CPPED1: variants seen among roughly 807,000 people sequenced by gnomAD.
CPPED1 encodes calcineurin like phosphoesterase domain containing 1.
A neutral mutation model predicts 28.0 loss-of-function variants in CPPED1; 28 were observed. The ratio of observed to expected loss-of-function variants is 1.00; its 90% CI spans 0.74 to 1.37. The LOEUF is 1.37. CPPED1 is among the 40% of genes most tolerant of loss of function. The pLI is 0.00. For missense variants in CPPED1, 504 were observed against 416.5 expected, an observed-to-expected ratio of 1.21 and a Z score of -1.83; for synonymous variants, 198 against 180.2, an observed-to-expected ratio of 1.10 and a Z score of -0.79.
At chr16:12,701,479 G>C (rs1215743727) in intron 3 of CPPED1, among the ~76,000 whole-genome samples, 1 of 152,188 alleles carries the variant, frequency 6.6e-6, no homozygotes, top group Non-Finnish European at 1.5e-5. Flanking sequence ...GGAGGTGGTA[G>C]TGACCCGAGA....
Position 12,785,508 on chromosome 16 carries a change from A to G in CPPED1, c.71-4105T>C, listed in dbSNP as rs532711150. Among the ~76,000 whole-genome samples, 11 of 150,842 alleles carry G rather than the reference A, an allele frequency of 7.3e-5. No individual in the cohort carries two copies. The South Asian group carries it at 2.3e-3, about 32-fold the overall frequency. ...AATGCTGCAATCTCTGCTTACTGCA[A>G]TCTCTGCCTCCCAAGCTCAAGTGAT... On this transcript the variant is annotated intron_variant, in intron 1 of 3. Transcript: ENST00000381774.
In CPPED1 at chr16:12,663,609, C is replaced by G. The variant is rs756968992; in HGVS notation, c.*1277G>C. The G allele has an allele frequency of 1.3e-4, 20 of 152,130 alleles. No homozygotes were observed. The highest frequency in any genetic ancestry group is 2.9e-4 in the Non-Finnish European group (20 of 68,012). The allele number at this position is 152,130 out of a possible 1,614,324, so 9.4% of individuals were successfully genotyped here. ...TGAATTTACATATTTAATTATCTTT[C>G]CATTTAATTTCCCATGGTTTTGCTA... On this transcript the variant is annotated 3_prime_UTR_variant, in exon 4 of 4. Coordinates refer to ENST00000381774, the MANE Select transcript of CPPED1 (RefSeq NM_018340.3).
intron 3 of CPPED1, among the ~76,000 whole-genome samples, chr16:12,681,367 C>A (rs186128673): frequency 1.3e-5 from 2 of 152,036 alleles, no homozygotes; most frequent in African/African-American, 4.8e-5. Flanking sequence ...CCAGGGATGC[C>A]CCAACAAGAA....
intron 3 of CPPED1, among the ~76,000 whole-genome samples, chr16:12,674,436 G>T (rs564909856): frequency 1.3e-5 from 2 of 152,282 alleles, no homozygotes; most frequent in African/African-American, 4.8e-5. Flanking sequence ...TGAGTTTCCA[G>T]ACGTGGGGGT....
chr16:12,698,918 A>G (rs2080006140), intron 3 of CPPED1, among the ~76,000 whole-genome samples: 1 of 152,190 alleles, frequency 6.6e-6, no homozygotes, highest in Non-Finnish European at 1.5e-5. Flanking sequence ...TCTCTAACAC[A>G]CAGTTCTAAT....
intron 3 of CPPED1, among the ~76,000 whole-genome samples, chr16:12,680,573 G>A (rs551723586): frequency 3.3e-4 from 50 of 152,236 alleles, no homozygotes; most frequent in African/African-American, 1.2e-3. Context: ...AGATTCAGGG[G>A]GCAGAGACAG....
At chr16:12,691,833 GGGAT>G (rs1567277176) in intron 3 of CPPED1, among the ~76,000 whole-genome samples, 2 of 77,306 alleles carry the variant, frequency 2.6e-5, no homozygotes, top group African/African-American at 1.3e-4. Flanking sequence ...GAGGGGGGGA[GGGAT>G]AGCATTAGGA....
rs986996586 is a variant in CPPED1 at position 12,803,853 on chromosome 16, G to C, written c.-77C>G. The C allele has an allele frequency of 9.4e-6, 13 of 1,380,798 alleles. No individual in the cohort carries two copies. The highest frequency in any genetic ancestry group is 4.7e-5 in the Admixed American group (2 of 42,974). The allele number at this position is 1,380,798 out of a possible 1,614,324, so 85.5% of individuals were successfully genotyped here. On this transcript the variant is annotated 5_prime_UTR_variant, in exon 1 of 4. Transcript: ENST00000381774. ...GCGACTTCACACAGAACAACCGCTGGACCTGTCCCGCTTTGGGCGACGCCC... is the reference window on the plus strand; with the variant it reads ...GCGACTTCACACAGAACAACCGCTGCACCTGTCCCGCTTTGGGCGACGCCC...
At chr16:12,704,035 G>A (rs995405461) in intron 3 of CPPED1, among the ~76,000 whole-genome samples, 1 of 152,216 alleles carries the variant, frequency 6.6e-6, no homozygotes, top group African/African-American at 2.4e-5. Context: ...TACCTTGGCA[G>A]AGGAAAACTG....
At chr16:12,745,260 G>A (rs778534643) in intron 2 of CPPED1, among the ~76,000 whole-genome samples, 14 of 152,148 alleles carry the variant, frequency 9.2e-5, no homozygotes, top group Admixed American at 5.2e-4. Flanking sequence ...CACAGACTAA[G>A]AACCTCAATG....
At chr16:12,768,487 T>C (rs2071325276) in intron 2 of CPPED1, among the ~76,000 whole-genome samples, 1 of 152,234 alleles carries the variant, frequency 6.6e-6, no homozygotes, top group African/African-American at 2.4e-5. Flanking sequence ...TTCTGGCCTT[T>C]AATTAAAGGT....
intron 2 of CPPED1, among the ~76,000 whole-genome samples, chr16:12,758,994 C>T (rs1004595133): frequency 6.6e-6 from 1 of 151,512 alleles, no homozygotes; most frequent in African/African-American, 2.4e-5. Flanking sequence ...AAGACCCCAT[C>T]CCTACAAAAA....
rs1302718145 is a variant in CPPED1 at position 12,682,438 on chromosome 16, C to A, written c.716-17323G>T. On this transcript the variant is annotated intron_variant, in intron 3 of 3. Transcript: ENST00000381774. The surrounding 1 kb of genome is among the most constrained non-coding windows in gnomAD (Gnocchi z 6.1). ...ACCTGTAGAATATGCAAGAGGAGGG[C>A]TGTATTTTTTTAATACTAATATTTG... Among the ~76,000 whole-genome samples the A allele has an allele frequency of 6.6e-6, 1 of 152,174 alleles. No homozygotes were observed. Among genetic ancestry groups the A allele is most frequent in the Non-Finnish European group, 1.5e-5 (1 of 68,034 alleles).
intron 3 of CPPED1, among the ~76,000 whole-genome samples, chr16:12,666,421 A>G (rs1284463698): frequency 6.6e-6 from 1 of 152,216 alleles, no homozygotes; most frequent in East Asian, 1.9e-4. Flanking sequence ...TGCTGGAAGA[A>G]GGGCTGTTGT....
At chr16:12,683,050 G>A (rs1475234088) in intron 3 of CPPED1, among the ~76,000 whole-genome samples, 1 of 152,210 alleles carries the variant, frequency 6.6e-6, no homozygotes, top group Non-Finnish European at 1.5e-5. Flanking sequence ...AGCCACGGAA[G>A]GAAAATGTTT....
intron 3 of CPPED1, among the ~76,000 whole-genome samples, chr16:12,700,974 T>A (rs909975099): frequency 1.3e-5 from 2 of 152,100 alleles, no homozygotes; most frequent in Non-Finnish European, 2.9e-5. Context: ...ATGCCTGTAA[T>A]CCTAGCACTT....
At chr16:12,727,882 T>C (rs2080177858) in intron 2 of CPPED1, among the ~76,000 whole-genome samples, 1 of 152,212 alleles carries the variant, frequency 6.6e-6, no homozygotes, top group Non-Finnish European at 1.5e-5. Flanking sequence ...CATCTTCACC[T>C]TACAAATGTA....
chr16:12,660,497 A>ATG lies in CPPED1; in HGVS notation c.*4387_*4388dup, dbSNP rs61163755. ...GAAAAGAATCCTCCACTTTTACTAT[A>ATG]TGTGTGTGTGTGTGTGTGTGTGTGT... On this transcript the variant is annotated 3_prime_UTR_variant, in exon 4 of 4. Transcript: ENST00000381774. 0.21 allele frequency: 31,240 copies of ATG among 145,368 alleles called. 3,412 individuals are homozygous for ATG. The highest frequency in any genetic ancestry group is 0.31 in the Middle Eastern group (87 of 284). The allele number at this position is 145,368 out of a possible 1,614,324, so 9.0% of individuals were successfully genotyped here.
chr16:12,696,430 G>A (rs754004846), intron 3 of CPPED1, among the ~76,000 whole-genome samples: 2 of 148,978 alleles, frequency 1.3e-5, no homozygotes, highest in African/African-American at 5.0e-5. Context: ...ATGGTGCTAA[G>A]TGACTTTCTT....
Sources: allele counts gnomAD v4.1 joint callset (sites outside exome capture counted in the v4.1 genomes callset), GRCh38; gene constraint gnomAD v4.1.1; non-coding constraint Gnocchi (gnomAD v3.1); transcripts MANE v1.5; gene names NCBI Gene and HGNC (gene_info 2026-07-23, HGNC 2026-07-21).